The following TTC3 variants were observed in gnomAD, a reference collection of about 807,000 sequenced individuals.
TTC3 encodes tetratricopeptide repeat domain 3.
Under a neutral mutation model 249.6 loss-of-function variants are expected in TTC3, and 180 were observed. That is an observed-to-expected ratio of 0.72 (90% CI 0.64 to 0.82). The LOEUF (loss-of-function observed/expected upper bound fraction) is 0.82. Among genes scored for constraint, TTC3 ranks in the 40% least tolerant of loss-of-function variants. TTC3 has a pLI of 0.00. For synonymous variants in TTC3, 717 were observed against 805.0 expected (o/e 0.89, Z 1.85); for missense variants, 2,061 against 2,398.4 (o/e 0.86, Z 2.94).
In TTC3 at chr21:37,200,285, C is replaced by T. The variant is rs768768309; in HGVS notation, c.5904C>T (p.Asn1968=). Residue 1968 remains asparagine, a synonymous_variant, in exon 45 of 46, where the codon AAC becomes AAT. Transcript: ENST00000355666. ...GCCACGAGGTGTTCAAATCAAAAAA[C>T]GTGCGTGTGCTCAAATGTGGGCACA... 164 of 1,614,078 alleles carry T rather than the reference C, an allele frequency of 1.0e-4. 1 individual carries two copies. Among genetic ancestry groups the T allele is most frequent in the Non-Finnish European group, 9.8e-5 (116 of 1,180,046 alleles).
intron 16 of TTC3, among the ~76,000 whole-genome samples, chr21:37,130,689 T>A (rs777779517): frequency 9.2e-5 from 14 of 152,236 alleles, no homozygotes; most frequent in Non-Finnish European, 2.1e-4. Flanking sequence ...CTTCATTTGC[T>A]GTACAGTATT....
chr21:37,196,164 C>A, intron 42 of TTC3, 128 bp downstream of exon 42: 1 of 1,222,048 alleles, frequency 8.2e-7, no homozygotes. Flanking sequence ...CTCAGAAAGA[C>A]AGTTGCTACA....
intron 18 of TTC3, 54 bp downstream of exon 18, chr21:37,135,568 T>A (rs2077858654): frequency 1.3e-6 from 2 of 1,575,538 alleles, no homozygotes; most frequent in East Asian, 2.3e-5. Flanking sequence ...CTCAGATGAA[T>A]GCAGAAGAGA....
chr21:37,196,101 TA>T (rs2084875324), intron 42 of TTC3, 65 bp downstream of exon 42: 1 of 1,570,590 alleles, frequency 6.4e-7, no homozygotes, highest in Non-Finnish European at 8.6e-7. Flanking sequence ...CCTGATTAGA[TA>T]AAATCATGGC....
chr21:37,124,549 T>G (rs779389517), intron 13 of TTC3, 70 bp from the exon 14 acceptor site: 1 of 1,534,246 alleles, frequency 6.5e-7, no homozygotes, highest in Non-Finnish European at 8.8e-7. Flanking sequence ...AGGCTGTGAT[T>G]GCTGCAACCT....
chr21:37,096,497 T>C (rs2073957014), intron 9 of TTC3, 84 bp from the exon 10 acceptor site: 1 of 1,112,800 alleles, frequency 9.0e-7, no homozygotes, highest in Non-Finnish European at 1.3e-6. Flanking sequence ...AAAAAAAGTT[T>C]TCTCATGCCT....
At chr21:37,169,636 G>T (rs2081559710) in intron 34 of TTC3, among the ~76,000 whole-genome samples, 1 of 147,838 alleles carries the variant, frequency 6.8e-6, no homozygotes, top group South Asian at 2.2e-4. Flanking sequence ...GGATCACGAG[G>T]TTAGGAGTTT....
In TTC3 at chr21:37,085,055, A is replaced by G. The variant is rs562024574; in HGVS notation, c.-11-2192A>G. Among the ~76,000 whole-genome samples the G allele has an allele frequency of 7.5e-4, 114 of 151,376 alleles. No homozygotes were observed. The South Asian group carries it at 0.022, about 30-fold the overall frequency. On this transcript the variant is annotated intron_variant, in intron 1 of 45. Coordinates refer to ENST00000355666, the Ensembl canonical transcript of TTC3. Reference sequence around the variant, plus strand: ...TAAAATATACCCCAGTGTCGTAATTACAGTACAATTGGTGCTGTGTGTGTT... The same window carrying G: ...TAAAATATACCCCAGTGTCGTAATTGCAGTACAATTGGTGCTGTGTGTGTT...
chr21:37,121,689 C>T, intron 11 of TTC3, 128 bp from the exon 12 acceptor site: 1 of 841,218 alleles, frequency 1.2e-6, no homozygotes, highest in Non-Finnish European at 1.7e-6. Context: ...ATTTATTTTT[C>T]ATTGGTAGGG....
chr21:37,090,493 T>C (rs1276520028), intron 6 of TTC3: 4 of 690,480 alleles, frequency 5.8e-6, no homozygotes, highest in Admixed American at 6.3e-5. Context: ...CCCATGTACA[T>C]AGTGTAATTT....
At chr21:37,092,178 A>G (rs1434842745) in intron 7 of TTC3, among the ~76,000 whole-genome samples, 1 of 152,214 alleles carries the variant, frequency 6.6e-6, no homozygotes, top group East Asian at 1.9e-4. Context: ...CAGTGTTTTT[A>G]TAGTATAGTT....
chr21:37,116,250 AGTT>A (rs1438051173), intron 11 of TTC3, among the ~76,000 whole-genome samples: 1 of 152,252 alleles, frequency 6.6e-6, no homozygotes, highest in East Asian at 1.9e-4. Flanking sequence ...GATTTTAAAA[AGTT>A]AAATGAAAAA....
At chr21:37,117,835 CAAAAAAA>C (rs60664616) in intron 11 of TTC3, among the ~76,000 whole-genome samples, 182 of 73,446 alleles carry the variant, frequency 2.5e-3, no homozygotes, top group African/African-American at 6.0e-3. Context: ...TGCGCCACTT[CAAAAAAA>C]AAAAAAAAAA....
chr21:37,201,667 C>T (rs2085520452), exon 46 of TTC3: 7 of 1,485,016 alleles, frequency 4.7e-6, no homozygotes, highest in Admixed American at 4.6e-5. Context: ...TTTGAAGACC[C>T]TTGTGCATTG....
intron 8 of TTC3, among the ~76,000 whole-genome samples, chr21:37,094,624 A>G (rs1341199611): frequency 1.3e-5 from 2 of 152,194 alleles, no homozygotes; most frequent in Non-Finnish European, 2.9e-5. Flanking sequence ...GTTTTTCGGC[A>G]CTAAGGCTTT....
chr21:37,138,594 A>G (rs761691803), intron 18 of TTC3, 40 bp from the exon 19 acceptor site: 2 of 1,465,774 alleles, frequency 1.4e-6, no homozygotes, highest in Non-Finnish European at 1.9e-6. Context: ...ATTGGGCAGA[A>G]TTATATTCAG....
At chr21:37,074,585 G>A (rs966578324) in intron 1 of TTC3, among the ~76,000 whole-genome samples, 2 of 152,166 alleles carry the variant, frequency 1.3e-5, no homozygotes, top group Non-Finnish European at 2.9e-5. Flanking sequence ...AGGGAAACAA[G>A]GTAGAAATTT....
chr21:37,147,928 C>T (rs773103589), intron 22 of TTC3, among the ~76,000 whole-genome samples: 3 of 152,070 alleles, frequency 2.0e-5, no homozygotes, highest in Non-Finnish European at 2.9e-5. Context: ...AGGGTTTCAC[C>T]ATATTGGCCA....
At chr21:37,198,710 C>G (rs1602212586) in intron 44 of TTC3, among the ~76,000 whole-genome samples, 2 of 152,116 alleles carry the variant, frequency 1.3e-5, no homozygotes, top group East Asian at 3.8e-4. Context: ...ATTTAAAAAC[C>G]CGCCCTGTAA....
Sources: allele counts gnomAD v4.1 joint callset (sites outside exome capture counted in the v4.1 genomes callset), GRCh38; gene constraint gnomAD v4.1.1; transcripts MANE v1.5; gene names NCBI Gene and HGNC (gene_info 2026-07-23, HGNC 2026-07-21).